The following GFRA1 variants were observed in gnomAD, a reference collection of about 807,000 sequenced individuals.
GFRA1 encodes the protein GDNF family receptor alpha 1, also known as GDNF family receptor alpha-1.
A neutral mutation model predicts 51.6 loss-of-function variants in GFRA1; 16 were observed. The ratio of observed to expected loss-of-function variants is 0.31; its 90% CI spans 0.21 to 0.47. The LOEUF is 0.47. Ranked by LOEUF, GFRA1 falls within the 20% of genes least tolerant of loss-of-function variation. The pLI, the probability that GFRA1 is intolerant of heterozygous loss-of-function variation, is 1.00. For synonymous variants in GFRA1, 270 were observed against 241.3 expected (o/e 1.12, Z -1.10); for missense variants, 530 against 594.3 (o/e 0.89, Z 1.13).
chr10:116,089,616 T>C, intron 9 of GFRA1, 125 bp downstream of exon 9: 1 of 850,468 alleles, frequency 1.2e-6, no homozygotes, highest in Non-Finnish European at 2.0e-6. Context: ...AATGCAGTTT[T>C]GAGACTCAAA....
In GFRA1 at chr10:116,063,736, A is replaced by G. The variant is rs1213744145; in HGVS notation, c.*662T>C. On this transcript the variant is annotated 3_prime_UTR_variant, in exon 11 of 11. Coordinates refer to ENST00000355422, the MANE Select transcript of GFRA1 (RefSeq NM_005264.8). ...CCCCACTCTCTATTTTGACGAAAAG[A>G]CAGATACTATATTTGGATGTGACAG... is the stretch of plus-strand genomic sequence containing the variant. 1 of 152,410 alleles carries G rather than the reference A, an allele frequency of 6.6e-6. No individual in the cohort carries two copies. The highest frequency in any genetic ancestry group is 1.5e-5 in the Non-Finnish European group (1 of 68,208). 9.4% of individuals were successfully genotyped at this position (152,410 alleles called of 1,614,324 possible).
intron 4 of GFRA1, among the ~76,000 whole-genome samples, chr10:116,239,229 T>G (rs572329353): frequency 1.1e-4 from 17 of 152,404 alleles, no homozygotes; most frequent in African/African-American, 3.8e-4. Flanking sequence ...GCATGACTTG[T>G]ATTTCTCATA....
At chr10:116,097,769 A>G (rs1956661849) in intron 6 of GFRA1, among the ~76,000 whole-genome samples, 1 of 152,200 alleles carries the variant, frequency 6.6e-6, no homozygotes, top group African/African-American at 2.4e-5. Context: ...TTCTGTCTTT[A>G]GCTCACCCCA....
At chr10:116,260,204 T>A (rs1969197846) in intron 4 of GFRA1, among the ~76,000 whole-genome samples, 1 of 152,210 alleles carries the variant, frequency 6.6e-6, no homozygotes, top group Admixed American at 6.5e-5. Flanking sequence ...TCGAAGAAAT[T>A]GCTTGTTCTC....
At chr10:116,163,119 A>G (rs1395120701) in intron 5 of GFRA1, among the ~76,000 whole-genome samples, 1 of 152,218 alleles carries the variant, frequency 6.6e-6, no homozygotes, top group Non-Finnish European at 1.5e-5. Flanking sequence ...AATGACCCAT[A>G]AGAGGAACCT....
At chr10:116,185,509 C>T (rs1014441889) in intron 5 of GFRA1, among the ~76,000 whole-genome samples, 1 of 152,182 alleles carries the variant, frequency 6.6e-6, no homozygotes, top group Admixed American at 6.5e-5. Context: ...CCAAGCTGCC[C>T]AGCCTGTTTA....
chr10:116,161,910 C>T (rs1033341282), intron 5 of GFRA1, among the ~76,000 whole-genome samples: 2 of 152,190 alleles, frequency 1.3e-5, no homozygotes, highest in African/African-American at 2.4e-5. Context: ...TTCAAATGGG[C>T]CACTTGGCCC....
At chr10:116,071,657 T>C (rs1219406549) in intron 9 of GFRA1, among the ~76,000 whole-genome samples, 3 of 152,214 alleles carry the variant, frequency 2.0e-5, no homozygotes, top group Non-Finnish European at 4.4e-5. Flanking sequence ...CTGTGCAATT[T>C]AGTTTGAGCT....
At chr10:116,163,214 T>C (rs1006736561) in intron 5 of GFRA1, among the ~76,000 whole-genome samples, 6 of 152,188 alleles carry the variant, frequency 3.9e-5, no homozygotes, top group Admixed American at 6.5e-5. Context: ...GGGTAGGGCA[T>C]AACCCCGTGC....
At chr10:116,139,495 C>T (rs548347629) in intron 5 of GFRA1, among the ~76,000 whole-genome samples, 59 of 152,200 alleles carry the variant, frequency 3.9e-4, no homozygotes, top group Non-Finnish European at 6.8e-4. Flanking sequence ...TTGTGAGAAA[C>T]GCTTGCTTGA....
chr10:116,157,234 G>A (rs1437586213), intron 5 of GFRA1, among the ~76,000 whole-genome samples: 1 of 152,214 alleles, frequency 6.6e-6, no homozygotes, highest in African/African-American at 2.4e-5. Context: ...AGGAAATGCT[G>A]CTGGCTGACT....
At chr10:116,093,657 A>C (rs763512822) in intron 8 of GFRA1, 45 bp downstream of exon 8, 2 of 1,584,050 alleles carry the variant, frequency 1.3e-6, no homozygotes, top group African/African-American at 2.7e-5. Flanking sequence ...AGCTCGGAGA[A>C]GAAAATGCGT....
intron 5 of GFRA1, among the ~76,000 whole-genome samples, chr10:116,206,622 CTTTTTTTTTTT>C: frequency 1.2e-5 from 1 of 84,494 alleles, no homozygotes; most frequent in East Asian, 3.7e-4. Context: ...ACCACATTCT[CTTTTTTTTTTT>C]TTTTTTTTTT....
chr10:116,070,759 C>CTTTTTTTTT (rs773344299), intron 9 of GFRA1, among the ~76,000 whole-genome samples: 10 of 97,722 alleles, frequency 1.0e-4, no homozygotes, highest in African/African-American at 3.8e-4. Context: ...AGTCTGGAGC[C>CTTTTTTTTT]TTTTTTTTTT....
Position 116,103,559 on chromosome 10 carries a change from A to G in GFRA1, c.771-6795T>C, listed in dbSNP as rs991207332. ...TGAACTCATAAAATAAAGGCACTTT[A>G]AGAAAAGCTACTTTTTCCCAGGGAC... On this transcript the variant is annotated intron_variant, in intron 6 of 10. Coordinates refer to ENST00000355422, the MANE Select transcript of GFRA1 (RefSeq NM_005264.8). Among the ~76,000 whole-genome samples, 10 of 152,368 alleles carry G rather than the reference A, an allele frequency of 6.6e-5. No individual in the cohort carries two copies. In the East Asian group the frequency reaches 1.9e-3, roughly 29 times the overall value.
At chr10:116,261,831 A>C (rs1450185684) in intron 4 of GFRA1, among the ~76,000 whole-genome samples, 2 of 152,242 alleles carry the variant, frequency 1.3e-5, no homozygotes, top group Non-Finnish European at 2.9e-5. Flanking sequence ...AATATGTTAA[A>C]GATCACTCTA....
intron 5 of GFRA1, among the ~76,000 whole-genome samples, chr10:116,157,368 G>C (rs1052205936): frequency 2.0e-5 from 3 of 152,162 alleles, no homozygotes; most frequent in Non-Finnish European, 4.4e-5. Flanking sequence ...AAACACTGCT[G>C]ATCGCACCCT....
intron 6 of GFRA1, among the ~76,000 whole-genome samples, 165 bp downstream of exon 6, chr10:116,125,056 G>A (rs913314240): frequency 7.2e-5 from 11 of 152,282 alleles, no homozygotes; most frequent in South Asian, 4.1e-4. Flanking sequence ...GAAGAACCCC[G>A]TGGCAGACAC....
chr10:116,263,293 G>T (rs1302252161), intron 4 of GFRA1, among the ~76,000 whole-genome samples: 3 of 152,190 alleles, frequency 2.0e-5, no homozygotes, highest in African/African-American at 7.2e-5. Context: ...CATCGCCTTA[G>T]TGTAGCTTTA....
Sources: gnomAD v4.1 joint callset for allele counts (sites outside exome capture counted in the v4.1 genomes callset) on GRCh38, gnomAD v4.1.1 for gene constraint, MANE v1.5 for transcripts, NCBI Gene and HGNC (gene_info 2026-07-23, HGNC 2026-07-21) for gene names.